The following ZNRF1 variants were observed in gnomAD, a reference collection of about 807,000 sequenced individuals.
The protein encoded by ZNRF1 is zinc and ring finger 1.
Under a neutral mutation model 18.4 loss-of-function variants are expected in ZNRF1, and 3 were observed. The observed-to-expected ratio is 0.16, with a 90% CI of 0.07 to 0.42. ZNRF1 has a LOEUF of 0.42. Among genes scored for constraint, ZNRF1 ranks in the 10% least tolerant of loss-of-function variants. The pLI, the probability that ZNRF1 is intolerant of heterozygous loss-of-function variation, is 0.99. For missense variants in ZNRF1, 310 were observed against 329.8 expected, an observed-to-expected ratio of 0.94 and a Z score of 0.47; for synonymous variants, 157 against 144.2, an observed-to-expected ratio of 1.09 and a Z score of -0.64.
chr16:75,027,052 A>C (rs2035233907), intron 1 of ZNRF1, among the ~76,000 whole-genome samples: 1 of 152,164 alleles, frequency 6.6e-6, no homozygotes, highest in Admixed American at 6.5e-5. Flanking sequence ...CCTATTTCAC[A>C]GATAAGGAAA....
At chr16:75,086,946 G>C (rs941172157) in intron 1 of ZNRF1, among the ~76,000 whole-genome samples, 2 of 152,118 alleles carry the variant, frequency 1.3e-5, no homozygotes, top group East Asian at 1.9e-4. Context: ...AGCATGGGGA[G>C]GGGGGCAGAA....
intron 1 of ZNRF1, among the ~76,000 whole-genome samples, chr16:75,018,314 A>G (rs1399693631): frequency 6.6e-6 from 1 of 152,158 alleles, no homozygotes; most frequent in Admixed American, 6.5e-5. Flanking sequence ...TGTAGGTTTC[A>G]TAGTTTTAAT....
chr16:75,050,455 G>C (rs1382611228), intron 1 of ZNRF1, among the ~76,000 whole-genome samples: 4 of 152,158 alleles, frequency 2.6e-5, no homozygotes, highest in African/African-American at 9.7e-5. Context: ...GAGCCTGGGA[G>C]GCAGAGGTTG....
At chr16:75,033,786 G>A (rs6564198) in intron 1 of ZNRF1, among the ~76,000 whole-genome samples, 132,239 of 152,130 alleles carry the variant, frequency 0.87, 58,070 homozygotes, top group Non-Finnish European at 0.93. Flanking sequence ...ATTTACCTCT[G>A]AATGATTCTT....
chr16:75,013,846 T>C lies in ZNRF1; in HGVS notation c.424+13751T>C, dbSNP rs147762837. 3.3e-3 allele frequency among the ~76,000 whole-genome samples: 495 copies of C among 152,118 alleles called. 3 individuals are homozygous for C. Among genetic ancestry groups the C allele is most frequent in the African/African-American group, 0.011 (464 of 41,510 alleles). ...TTTTAATTTAATTTTATTTTTTTTT[T>C]CGAGACGGAGTCTCACTGTATCGCC... On this transcript the variant is annotated intron_variant, in intron 1 of 4. Transcript: ENST00000335325.
At chr16:75,072,869 C>T (rs2035886479) in intron 1 of ZNRF1, among the ~76,000 whole-genome samples, 2 of 152,194 alleles carry the variant, frequency 1.3e-5, no homozygotes, top group African/African-American at 4.8e-5. Flanking sequence ...ACAATGAAGG[C>T]CTCCATTTGA....
chr16:75,102,942 C>A (rs2036270370), intron 2 of ZNRF1, among the ~76,000 whole-genome samples: 1 of 152,212 alleles, frequency 6.6e-6, no homozygotes, highest in Admixed American at 6.5e-5. Context: ...AAGGCTGTTC[C>A]CTGTGCCCAG....
intron 1 of ZNRF1, among the ~76,000 whole-genome samples, chr16:75,001,507 A>C (rs1044293464): frequency 6.6e-6 from 1 of 152,208 alleles, no homozygotes; most frequent in African/African-American, 2.4e-5. Context: ...GAGAAGCAGG[A>C]CATGATTGCC....
At chr16:75,076,651 C>G (rs2035943914) in intron 1 of ZNRF1, among the ~76,000 whole-genome samples, 2 of 146,298 alleles carry the variant, frequency 1.4e-5, no homozygotes, top group Non-Finnish European at 3.1e-5. Context: ...AATGGTTTCC[C>G]AAGAGAGGAT....
intron 1 of ZNRF1, among the ~76,000 whole-genome samples, chr16:75,049,529 G>T (rs1413834777): frequency 6.6e-6 from 1 of 152,126 alleles, no homozygotes; most frequent in African/African-American, 2.4e-5. Context: ...GGGTGCAGTG[G>T]CTCACACCTG....
chr16:75,009,093 CTA>C lies in ZNRF1; in HGVS notation c.424+9000_424+9001del, dbSNP rs1252185752. Among the ~76,000 whole-genome samples, 3 of 152,148 alleles carry C rather than the reference CTA, an allele frequency of 2.0e-5. No homozygotes were observed. The East Asian group carries it at 5.8e-4, about 29-fold the overall frequency. ...CACTTTTCTTTCTGGTCATTGAACA[CTA>C]TTTTCTAGAAGCATGATTCACCACT... On this transcript the variant is annotated intron_variant, in intron 1 of 4. Transcript: ENST00000335325.
chr16:75,059,370 C>T (rs2035714424), intron 1 of ZNRF1, among the ~76,000 whole-genome samples: 2 of 151,268 alleles, frequency 1.3e-5, no homozygotes, highest in East Asian at 1.9e-4. Flanking sequence ...GCCTCAGCCT[C>T]CCAAGTAGCT....
intron 4 of ZNRF1, 131 bp downstream of exon 4, chr16:75,106,702 C>T (rs2145433352): frequency 1.5e-6 from 1 of 648,654 alleles, no homozygotes; most frequent in Non-Finnish European, 2.7e-6. Context: ...AGGAGCACCT[C>T]ATCAGTGAGC....
In ZNRF1 at chr16:75,107,990, C is replaced by CTA; in HGVS notation, c.*291_*292insAT. 1 of 327,080 alleles carries CTA rather than the reference C, an allele frequency of 3.1e-6. No individual in the cohort carries two copies. Among genetic ancestry groups the CTA allele is most frequent in the South Asian group, 2.3e-5 (1 of 43,014 alleles). 20.3% of individuals were successfully genotyped at this position (327,080 alleles called of 1,614,324 possible). On this transcript the variant is annotated 3_prime_UTR_variant, in exon 5 of 5. Coordinates refer to ENST00000335325, the MANE Select transcript of ZNRF1 (RefSeq NM_032268.5). ...TCTTTGAAAGGCATTGTGGGTCTGT[C>CTA]TTTAAAGTGTTTACAAAAAAAAATT...
chr16:75,055,970 C>T (rs923801364), intron 1 of ZNRF1, among the ~76,000 whole-genome samples: 2 of 152,178 alleles, frequency 1.3e-5, no homozygotes, highest in African/African-American at 4.8e-5. Context: ...CAAGCTATCC[C>T]TCAGCTGCTC....
chr16:75,104,703 A>G (rs562314601), intron 2 of ZNRF1, 81 bp from the exon 3 acceptor site: 1 of 1,253,276 alleles, frequency 8.0e-7, no homozygotes, highest in South Asian at 1.3e-5. Flanking sequence ...GCAGTCCCCT[A>G]GTTCCTAGGC....
intron 2 of ZNRF1, among the ~76,000 whole-genome samples, chr16:75,098,222 A>T (rs2036221194): frequency 6.6e-6 from 1 of 151,940 alleles, no homozygotes; most frequent in Admixed American, 6.6e-5. Context: ...TGCTGGGTGT[A>T]TGAGGAGCGA....
At chr16:75,076,080 T>TGA (rs982055670) in intron 1 of ZNRF1, among the ~76,000 whole-genome samples, 2 of 152,228 alleles carry the variant, frequency 1.3e-5, no homozygotes, top group Admixed American at 1.3e-4. Flanking sequence ...ACCCTGATCA[T>TGA]GAGATATAGA....
rs892222034 is a variant in ZNRF1 at position 75,101,951 on chromosome 16, C to T, written c.521-2833C>T. On this transcript the variant is annotated intron_variant, in intron 2 of 4. Transcript: ENST00000335325. ...ACTTCAGCAGCAGACTGTGCCATCT[C>T]CCTTCTCAGTTTGTGTCACCCTTTC... Among the ~76,000 whole-genome samples, 8 of 152,324 alleles carry T rather than the reference C, an allele frequency of 5.3e-5. No homozygotes were observed. In the East Asian group the frequency reaches 7.7e-4, roughly 15 times the overall value.
Sources: gnomAD v4.1 joint callset for allele counts (sites outside exome capture counted in the v4.1 genomes callset) on GRCh38, gnomAD v4.1.1 for gene constraint, MANE v1.5 for transcripts, NCBI Gene and HGNC (gene_info 2026-07-23, HGNC 2026-07-21) for gene names.